IL31RA: variants seen among roughly 807,000 people sequenced by gnomAD.
IL31RA encodes the protein interleukin-31 receptor subunit alpha.
A neutral mutation model predicts 83.7 loss-of-function variants in IL31RA; 66 were observed. That is an observed-to-expected ratio of 0.79 (90% confidence interval 0.65 to 0.97). The LOEUF (loss-of-function observed/expected upper bound fraction) is 0.97, where lower values mean the gene tolerates loss of function less well. Among genes scored for constraint, IL31RA ranks in the 50% least tolerant of loss-of-function variants. IL31RA has a pLI of 0.00. For missense variants in IL31RA, 798 were observed against 919.4 expected, an observed-to-expected ratio of 0.87 and a Z score of 1.71; for synonymous variants, 325 against 329.0, an observed-to-expected ratio of 0.99 and a Z score of 0.13.
rs1750089119 is a variant in IL31RA at position 55,921,512 on chromosome 5, CA to C, written c.*4396del. ...TGTCCTGTCTCTTTGGGGCTGTTTT[CA>C]AAAGTGGAATTGCTGGTCAGAATTT... On this transcript the variant is annotated 3_prime_UTR_variant, in exon 15 of 15. Coordinates refer to ENST00000652347, the MANE Select transcript of IL31RA (RefSeq NM_139017.7). Among the ~76,000 whole-genome samples, 1 of 152,128 alleles carries C rather than the reference CA, an allele frequency of 6.6e-6. No individual in the cohort carries two copies. Among genetic ancestry groups the C allele is most frequent in the South Asian group, 2.1e-4 (1 of 4,830 alleles).
intron 13 of IL31RA, 112 bp downstream of exon 13, chr5:55,913,682 A>G (rs1481548927): frequency 5.3e-6 from 4 of 756,570 alleles, no homozygotes. Flanking sequence ...GTGTTCATTC[A>G]TTTATTAACT....
the IL31RA span, among the ~76,000 whole-genome samples, chr5:55,843,961 G>A: frequency 3.3e-5 from 5 of 151,970 alleles, no homozygotes; most frequent in African/African-American, 4.8e-5. Flanking sequence ...TATATTTGGT[G>A]CTAGCATGGC....
chr5:55,902,459 C>CAAAAAAAAAA lies in IL31RA; in HGVS notation c.1069+2338_1069+2347dup, dbSNP rs59506009. ...GCAACATAGTGAAACCTTGTTTCTA[C>CAAAAAAAAAA]AAAAAAAAAAAAAAAAAAAATACAA... On this transcript the variant is annotated intron_variant, in intron 8 of 14. Transcript: ENST00000652347. The CAAAAAAAAAA allele has an allele frequency of 6.6e-4, 66 of 100,394 alleles. 1 individual carries two copies. The highest frequency in any genetic ancestry group is 9.5e-4 in the Non-Finnish European group (48 of 50,650). 6.2% of individuals were successfully genotyped at this position (100,394 alleles called of 1,614,324 possible).
rs564367030 is a variant in IL31RA, at chr5:55,920,931, T to A, written c.*3811T>A. Among the ~76,000 whole-genome samples, 1 of 152,268 alleles carries A rather than the reference T, an allele frequency of 6.6e-6. No homozygotes were observed. The highest frequency in any genetic ancestry group is 1.9e-4 in the East Asian group (1 of 5,184). ...ATTTGGTGATGCCTGGAGATATTTT[T>A]GATTGTCACGACTGGGAAGGTGCTA... On this transcript the variant is annotated 3_prime_UTR_variant, in exon 15 of 15. Transcript: ENST00000652347.
intron 2 of IL31RA, among the ~76,000 whole-genome samples, chr5:55,867,237 G>GCA (rs1214704297): frequency 5.8e-4 from 65 of 112,518 alleles, no homozygotes; most frequent in African/African-American, 1.4e-3. Flanking sequence ...GTGTGTTTGT[G>GCA]TGTGTGTTTG....
At position 55,896,409 on chromosome 5, in the gene IL31RA, C is replaced by T. The variant is rs1561107133; in HGVS notation, c.832C>T (p.Pro278Ser). The T allele has an allele frequency of 6.2e-7, 1 of 1,612,708 alleles. No homozygotes were observed. The highest frequency in any genetic ancestry group is 8.5e-7 in the Non-Finnish European group (1 of 1,178,850). ...LKPAEADGRR[P>S]VRLLWKKARG... ...ACCAGCTGAGGCGGATGGAAGAAGGCCAGTGCGGTTGTTATGGAAGGTGAC... is the reference window on the plus strand; with the variant it reads ...ACCAGCTGAGGCGGATGGAAGAAGGTCAGTGCGGTTGTTATGGAAGGTGAC... Residue 278 changes from proline (P) to serine (S), a missense_variant, in exon 7 of 15, where the codon CCA becomes TCA. By Grantham distance (74) the Pro-to-Ser change is moderately conservative. Coordinates refer to ENST00000652347, the MANE Select transcript of IL31RA (RefSeq NM_139017.7).
the IL31RA span, among the ~76,000 whole-genome samples, chr5:55,845,923 T>A: frequency 6.6e-6 from 1 of 152,324 alleles, no homozygotes; most frequent in African/African-American, 2.4e-5. Context: ...CTATGAGAAT[T>A]TGGTGGTTCT....
intron 2 of IL31RA, among the ~76,000 whole-genome samples, chr5:55,867,356 TG>T (rs1299592291): frequency 6.6e-6 from 1 of 151,674 alleles, no homozygotes; most frequent in African/African-American, 2.4e-5. Flanking sequence ...ATCAACCCCT[TG>T]GTCATCTAGT....
the IL31RA span, among the ~76,000 whole-genome samples, chr5:55,842,805 G>A: frequency 1.3e-5 from 2 of 152,172 alleles, no homozygotes; most frequent in African/African-American, 2.4e-5. Flanking sequence ...GTGGAATTGC[G>A]TTGAAAGTCT....
intron 7 of IL31RA, among the ~76,000 whole-genome samples, chr5:55,897,205 T>C (rs1052572158): frequency 1.4e-5 from 2 of 147,528 alleles, no homozygotes; most frequent in Non-Finnish European, 3.0e-5. Context: ...AAAACTGTGA[T>C]TCTTGAAATT....
At position 55,919,010 on chromosome 5, in the gene IL31RA, C is replaced by T. The variant is rs1429075473; in HGVS notation, c.*1890C>T. On this transcript the variant is annotated 3_prime_UTR_variant, in exon 15 of 15. Transcript: ENST00000652347. Reference sequence around the variant, plus strand: ...TCTCATGCCGCCCCTGATGTCTGCTCTCCCTGCTCTCCCTGTTCTCCACCC... The same window carrying T: ...TCTCATGCCGCCCCTGATGTCTGCTTTCCCTGCTCTCCCTGTTCTCCACCC... Among the ~76,000 whole-genome samples, 1 of 152,120 alleles carries T rather than the reference C, an allele frequency of 6.6e-6. No homozygotes were observed. The highest frequency in any genetic ancestry group is 1.5e-5 in the Non-Finnish European group (1 of 68,030).
chr5:55,840,683 T>C, the IL31RA span, among the ~76,000 whole-genome samples: 1 of 152,240 alleles, frequency 6.6e-6, no homozygotes, highest in East Asian at 1.9e-4. Flanking sequence ...GTGTTTAGAC[T>C]GCCCTTTGCT....
At position 55,917,353 on chromosome 5, in the gene IL31RA, G is replaced by A. The variant is rs900759568; in HGVS notation, c.*233G>A. On this transcript the variant is annotated 3_prime_UTR_variant, in exon 15 of 15. Transcript: ENST00000652347. Reference sequence around the variant, plus strand: ...TGTAAAGGAACAGCAGTCTCTTTTCGTTTGTTCAGATACCAAGCTCTCACC... The same window carrying A: ...TGTAAAGGAACAGCAGTCTCTTTTCATTTGTTCAGATACCAAGCTCTCACC... The A allele has an allele frequency of 1.7e-5, 24 of 1,390,306 alleles. No homozygotes were observed. Among genetic ancestry groups the A allele is most frequent in the Middle Eastern group, 5.5e-4 (2 of 3,668 alleles). The allele number at this position is 1,390,306 out of a possible 1,614,324, so 86.1% of individuals were successfully genotyped here. A position where few individuals can be genotyped will look rare whatever the true frequency, so the allele number is the denominator to read the frequency against.
At chr5:55,886,582 A>G (rs1747632533) in intron 5 of IL31RA, among the ~76,000 whole-genome samples, 1 of 152,002 alleles carries the variant, frequency 6.6e-6, no homozygotes. Flanking sequence ...CCTTCTCCTT[A>G]GCTTTCAAAT....
chr5:55,894,281 GCTGTCTT>G (rs1306716266), intron 6 of IL31RA, among the ~76,000 whole-genome samples: 10 of 152,108 alleles, frequency 6.6e-5, no homozygotes, highest in Non-Finnish European at 1.3e-4. Flanking sequence ...CTGTACAAAG[GCTGTCTT>G]CTGGGAGGAA....
chr5:55,915,706 C>G (rs1258175907), intron 14 of IL31RA, among the ~76,000 whole-genome samples: 2 of 152,114 alleles, frequency 1.3e-5, no homozygotes, highest in African/African-American at 4.8e-5. Context: ...TCTTATCAGT[C>G]CGGTATACTG....
chr5:55,861,529 C>T (rs2112313278), intron 2 of IL31RA, among the ~76,000 whole-genome samples: 1 of 152,240 alleles, frequency 6.6e-6, no homozygotes, highest in Admixed American at 6.5e-5. Context: ...CAGTTTCATC[C>T]CGAAACCATC....
chr5:55,873,241 A>G (rs895931652), intron 4 of IL31RA, among the ~76,000 whole-genome samples: 33 of 152,250 alleles, frequency 2.2e-4, no homozygotes, highest in African/African-American at 7.9e-4. Context: ...TTAGTGCTTT[A>G]ATTCTTTTTA....
chr5:55,900,071 T>G lies in IL31RA; in HGVS notation c.1008T>G (p.Ser336=), dbSNP rs982883992. The G allele has an allele frequency of 6.2e-7, 1 of 1,614,172 alleles. No homozygotes were observed. ...GGESFWVSMI[S]YNSLGKSPVA... Reference sequence around the variant, plus strand: ...AGAGCTTTTGGGTGTCTATGATTTCTTATAATTCTCTTGGGAAGTCTCCAG... The same window carrying G: ...AGAGCTTTTGGGTGTCTATGATTTCGTATAATTCTCTTGGGAAGTCTCCAG... Residue 336 remains serine, a synonymous_variant, in exon 8 of 15, where the codon TCT becomes TCG. Transcript: ENST00000652347.
Sources: allele counts gnomAD v4.1 joint callset (sites outside exome capture counted in the v4.1 genomes callset), GRCh38; gene constraint gnomAD v4.1.1; transcripts MANE v1.5; gene names NCBI Gene and HGNC (gene_info 2026-07-23, HGNC 2026-07-21).